APP: variants seen among roughly 807,000 people sequenced by gnomAD.
APP encodes amyloid-beta precursor protein.
APP carries 31 observed loss-of-function variants against 101.4 expected under a neutral mutation model. The ratio of observed to expected loss-of-function variants is 0.31; its 90% confidence interval spans 0.23 to 0.41. The LOEUF (loss-of-function observed/expected upper bound fraction) is 0.41. Among genes scored for constraint, APP ranks in the 10% least tolerant of loss-of-function variants. The pLI is 1.00. For synonymous variants in APP, 366 were observed against 364.4 expected (o/e 1.00, Z -0.05); for missense variants, 839 against 1,003.7 (o/e 0.84, Z 2.22).
intron 11 of APP, among the ~76,000 whole-genome samples, chr21:25,961,804 T>C (rs1247746000): frequency 6.6e-6 from 1 of 152,216 alleles, no homozygotes; most frequent in East Asian, 1.9e-4. Flanking sequence ...ATTACTATTG[T>C]CACAATATTC....
intron 6 of APP, among the ~76,000 whole-genome samples, chr21:26,004,394 G>A (rs2043428115): frequency 7.1e-6 from 1 of 140,884 alleles, no homozygotes; most frequent in Non-Finnish European, 1.5e-5. Context: ...CCAGGTTCAC[G>A]CCATTCTCCT....
chr21:25,966,640 G>C (rs971312598), intron 11 of APP, among the ~76,000 whole-genome samples: 1 of 152,080 alleles, frequency 6.6e-6, no homozygotes, highest in Non-Finnish European at 1.5e-5. Context: ...TCCCATATTT[G>C]CTTTGGAGAT....
At chr21:25,927,103 G>T (rs1378532437) in intron 13 of APP, among the ~76,000 whole-genome samples, 1 of 148,094 alleles carries the variant, frequency 6.8e-6, no homozygotes, top group African/African-American at 2.5e-5. Context: ...GTTTGAAAAA[G>T]AATGAATTCG....
chr21:25,998,297 G>A (rs1300766324), intron 7 of APP, among the ~76,000 whole-genome samples: 1 of 151,274 alleles, frequency 6.6e-6, no homozygotes, highest in African/African-American at 2.4e-5. Context: ...ATTCTCCATT[G>A]TGTTCGCAAT....
chr21:25,944,550 C>T (rs2040722655), intron 13 of APP, among the ~76,000 whole-genome samples: 2 of 152,196 alleles, frequency 1.3e-5, no homozygotes, highest in South Asian at 2.1e-4. Context: ...AACATGTCTT[C>T]CAAACTCCGT....
chr21:25,962,810 A>C (rs1018113599), intron 11 of APP, among the ~76,000 whole-genome samples: 5 of 152,242 alleles, frequency 3.3e-5, no homozygotes, highest in African/African-American at 1.2e-4. Context: ...TCCTGATAAA[A>C]GCTAACACGG....
At chr21:25,901,311 A>AC (rs1199669302) in intron 15 of APP, among the ~76,000 whole-genome samples, 1 of 111,516 alleles carries the variant, frequency 9.0e-6, no homozygotes, top group African/African-American at 2.5e-5. Context: ...AAAAAAAAAA[A>AC]AAAAAAACAA....
intron 8 of APP, among the ~76,000 whole-genome samples, chr21:25,991,305 A>C (rs1314181006): frequency 6.6e-6 from 1 of 152,186 alleles, no homozygotes; most frequent in African/African-American, 2.4e-5. Flanking sequence ...GTATCCCCAA[A>C]GCTATTGGAA....
chr21:26,140,844 CT>C (rs1453171345), intron 1 of APP, among the ~76,000 whole-genome samples: 7 of 152,152 alleles, frequency 4.6e-5, no homozygotes, highest in Non-Finnish European at 1.0e-4. Context: ...TACTGCCAAA[CT>C]TCATAGGGTG....
rs45576740 is a variant in APP, at chr21:25,996,689, A to C, written c.1090+671T>G. Among the ~76,000 whole-genome samples the C allele has an allele frequency of 2.5e-3, 383 of 152,362 alleles. 3 individuals carry two copies. Among genetic ancestry groups the C allele is most frequent in the Middle Eastern group, 0.01 (3 of 294 alleles). On this transcript the variant is annotated intron_variant, in intron 8 of 17. Coordinates refer to ENST00000346798, the MANE Select transcript of APP (RefSeq NM_000484.4). ...TCCACTGACTGACTTAGGCACCTTC[A>C]GAATTCTCCCTCATCAGGAGATCAC...
intron 17 of APP, among the ~76,000 whole-genome samples, chr21:25,888,583 C>T (rs2037492707): frequency 6.6e-6 from 1 of 152,140 alleles, no homozygotes; most frequent in Non-Finnish European, 1.5e-5. Context: ...AGCCCCTCAT[C>T]TAGAAAGGCT....
chr21:26,060,649 G>A (rs528559123), intron 3 of APP, among the ~76,000 whole-genome samples: 2 of 152,268 alleles, frequency 1.3e-5, no homozygotes, highest in Non-Finnish European at 2.9e-5. Flanking sequence ...TCTGAGGGGT[G>A]AAATTTTAAA....
chr21:26,044,577 T>A (rs185891891), intron 5 of APP, among the ~76,000 whole-genome samples: 1 of 152,190 alleles, frequency 6.6e-6, no homozygotes, highest in African/African-American at 2.4e-5. Flanking sequence ...TTCGCTCTTA[T>A]TGCCCAGGCT....
intron 14 of APP, 83 bp from the exon 15 acceptor site, chr21:25,905,160 G>A: frequency 1.7e-6 from 2 of 1,193,406 alleles, no homozygotes; most frequent in Middle Eastern, 3.8e-4. Flanking sequence ...TAGTCGAGCA[G>A]GGAAAAAAGC....
intron 3 of APP, among the ~76,000 whole-genome samples, chr21:26,088,152 A>C (rs1057115722): frequency 1.3e-5 from 2 of 152,118 alleles, no homozygotes; most frequent in Non-Finnish European, 2.9e-5. Context: ...AGAGCTTTTC[A>C]GAGATGAGGA....
intron 13 of APP, among the ~76,000 whole-genome samples, chr21:25,932,554 C>T (rs1308056836): frequency 6.6e-6 from 1 of 152,160 alleles, no homozygotes; most frequent in Non-Finnish European, 1.5e-5. Context: ...TTTTTCTAAT[C>T]CCCACACTTT....
intron 5 of APP, among the ~76,000 whole-genome samples, chr21:26,028,222 T>C (rs1257357629): frequency 1.3e-5 from 2 of 151,754 alleles, no homozygotes; most frequent in African/African-American, 4.8e-5. Flanking sequence ...ATGACACAGC[T>C]GATTAAGAAT....
rs188747599 is a variant in APP, at chr21:26,157,923, A to C, written c.57+12641T>G. ...CTCAGTGTCAAGCTCTTTTCTAAAA[A>C]CCTCAAAGCTTGTTTTGTCTGCTGT... On this transcript the variant is annotated intron_variant, in intron 1 of 17. Coordinates refer to ENST00000346798, the MANE Select transcript of APP (RefSeq NM_000484.4). Among the ~76,000 whole-genome samples the C allele has an allele frequency of 2.2e-3, 335 of 152,310 alleles. 1 individual carries two copies. The highest frequency in any genetic ancestry group is 7.4e-3 in the African/African-American group (309 of 41,556).
intron 1 of APP, among the ~76,000 whole-genome samples, chr21:26,139,483 C>T (rs1056910414): frequency 6.6e-6 from 1 of 152,178 alleles, no homozygotes; most frequent in Non-Finnish European, 1.5e-5. Context: ...GATCTCTGGG[C>T]CCACTCCCAG....
Sources: gnomAD v4.1 joint callset for allele counts (sites outside exome capture counted in the v4.1 genomes callset) on GRCh38, gnomAD v4.1.1 for gene constraint, MANE v1.5 for transcripts, NCBI Gene and HGNC (gene_info 2026-07-23, HGNC 2026-07-21) for gene names.